Variants in PIAS2 observed in about 807,000 individuals in gnomAD.
PIAS2 encodes protein inhibitor of activated STAT 2.
A neutral mutation model predicts 69.7 loss-of-function variants in PIAS2; 19 were observed. The observed-to-expected ratio is 0.27, with a 90% CI of 0.19 to 0.40. The LOEUF (loss-of-function observed/expected upper bound fraction) is 0.40, where lower values mean the gene tolerates loss of function less well. PIAS2 is among the 10% of genes least tolerant of loss of function. The pLI, the probability that PIAS2 is intolerant of heterozygous loss-of-function variation, is 1.00. For synonymous variants in PIAS2, 261 were observed against 263.2 expected, an observed-to-expected ratio of 0.99 and a Z score of 0.08; for missense variants, 624 against 757.0, an observed-to-expected ratio of 0.82 and a Z score of 2.06.
chr18:46,884,832 G>A (rs562105610), intron 2 of PIAS2, among the ~76,000 whole-genome samples: 5 of 151,904 alleles, frequency 3.3e-5, no homozygotes, highest in South Asian at 2.1e-4. Context: ...CAGGAGAATC[G>A]CTTGAACCCA....
intron 2 of PIAS2, among the ~76,000 whole-genome samples, chr18:46,879,931 G>T (rs149679360): frequency 3.3e-5 from 5 of 152,230 alleles, no homozygotes. Context: ...GCTGGGGGAA[G>T]AGGGAATAGT....
chr18:46,870,231 C>A lies in PIAS2; in HGVS notation c.500-5983G>T, dbSNP rs115016655. Among the ~76,000 whole-genome samples the A allele has an allele frequency of 6.3e-3, 954 of 152,254 alleles. 7 individuals carry two copies. The highest frequency in any genetic ancestry group is 0.022 in the African/African-American group (897 of 41,532). On this transcript the variant is annotated intron_variant, in intron 2 of 13. Coordinates refer to ENST00000585916, the MANE Select transcript of PIAS2 (RefSeq NM_004671.5). ...CACCTCTAAGGAATCAGCCCCAACT[C>A]TTTTCCCCTTGAGGGAAGTGCCCCT...
At chr18:46,868,693 G>C (rs1402168398) in intron 2 of PIAS2, among the ~76,000 whole-genome samples, 1 of 152,226 alleles carries the variant, frequency 6.6e-6, no homozygotes. Context: ...TTCTGCAGAA[G>C]TAAATTTGCT....
In PIAS2 at chr18:46,836,419, C is replaced by T. The variant is rs1424150851; in HGVS notation, c.1140G>A (p.Lys380=). 2.5e-6 allele frequency: 4 copies of T among 1,613,858 alleles called. No homozygotes were observed. In the African/African-American group the frequency reaches 4.0e-5, roughly 16 times the overall value. ...CACACACAGGACAAATCCAGGTGGG[C>T]TTTTTCTCATTCATTTGTAGATAGA... ...AALYLQMNEK[K]PTWICPVCDK... Residue 380 remains lysine (K), a synonymous_variant, in exon 9 of 14, where the codon AAG becomes AAA. Transcript: ENST00000585916.
chr18:46,911,936 A>T (rs1429370616), intron 1 of PIAS2, among the ~76,000 whole-genome samples: 1 of 152,166 alleles, frequency 6.6e-6, no homozygotes, highest in Admixed American at 6.5e-5. Flanking sequence ...CTGTAATCCC[A>T]GCTAATCGCG....
At chr18:46,898,024 T>C (rs1432719978) in intron 1 of PIAS2, among the ~76,000 whole-genome samples, 1 of 151,198 alleles carries the variant, frequency 6.6e-6, no homozygotes, top group Non-Finnish European at 1.5e-5. Flanking sequence ...GCCCAGTTAA[T>C]TTTTACTTTT....
chr18:46,869,385 A>G (rs2049984168), intron 2 of PIAS2, among the ~76,000 whole-genome samples: 1 of 152,062 alleles, frequency 6.6e-6, no homozygotes, highest in Non-Finnish European at 1.5e-5. Context: ...GAGCCTCAGC[A>G]AACCTCTAGA....
At chr18:46,897,874 T>C (rs1289954029) in intron 1 of PIAS2, among the ~76,000 whole-genome samples, 1 of 151,442 alleles carries the variant, frequency 6.6e-6, no homozygotes, top group East Asian at 1.9e-4. Context: ...ATATAATTTT[T>C]GGGTTTTTTT....
At chr18:46,830,355 C>A (rs1476067882) in intron 9 of PIAS2, among the ~76,000 whole-genome samples, 4 of 151,896 alleles carry the variant, frequency 2.6e-5, no homozygotes, top group Admixed American at 2.6e-4. Context: ...CAAATTAAGT[C>A]CGTACCAGAA....
intron 1 of PIAS2, among the ~76,000 whole-genome samples, chr18:46,913,096 G>A (rs1395811593): frequency 6.6e-6 from 1 of 152,140 alleles, no homozygotes; most frequent in African/African-American, 2.4e-5. Flanking sequence ...GAATCATATG[G>A]AAGATTCTGT....
At chr18:46,837,791 A>G (rs1207707038) in intron 8 of PIAS2, among the ~76,000 whole-genome samples, 3 of 152,118 alleles carry the variant, frequency 2.0e-5, no homozygotes, top group Non-Finnish European at 4.4e-5. Flanking sequence ...TTTACAGAAA[A>G]TATCACTGTT....
intron 3 of PIAS2, among the ~76,000 whole-genome samples, chr18:46,860,011 A>G (rs2048422845): frequency 6.6e-6 from 1 of 152,224 alleles, no homozygotes; most frequent in African/African-American, 2.4e-5. Context: ...CCAATGTTCA[A>G]TCTTCACAAG....
rs1274527508 is a variant in PIAS2, at chr18:46,804,815, C to T, written c.*7618G>A. ...GGGGGCAGGATCCTGCCTTGTGTTC[C>T]AAGTGCCTGATACAATGCCTGGCAC... is the stretch of plus-strand genomic sequence containing the variant. On this transcript the variant is annotated 3_prime_UTR_variant, in exon 14 of 14. Transcript: ENST00000585916. 6.6e-6 allele frequency: 1 copy of T among 152,182 alleles called. No homozygotes were observed. Among genetic ancestry groups the T allele is most frequent in the Non-Finnish European group, 1.5e-5 (1 of 68,056 alleles). The allele number at this position is 152,182 out of a possible 1,614,324, so 9.4% of individuals were successfully genotyped here. A position where few individuals can be genotyped will look rare whatever the true frequency, so the allele number is the denominator to read the frequency against.
chr18:46,919,630 CAG>C (rs1253207106), upstream of PIAS2, among the ~76,000 whole-genome samples: 15 of 152,256 alleles, frequency 9.9e-5, no homozygotes, highest in South Asian at 3.1e-3. Flanking sequence ...GCCTGGGCAA[CAG>C]AGTGAGACTT....
chr18:46,818,030 C>G (rs920387275), intron 12 of PIAS2: 1 of 990,066 alleles, frequency 1.0e-6, no homozygotes, highest in African/African-American at 1.7e-5. Flanking sequence ...GTTGAAAATG[C>G]TCAATTACTT....
rs1485164607 is a variant in PIAS2, at chr18:46,807,355, T to TTTTATATATATATA, written c.*5077_*5078insTATATATATATAAA. 1 of 29,960 alleles carries TTTTATATATATATA rather than the reference T, an allele frequency of 3.3e-5. No homozygotes were observed. Among genetic ancestry groups the TTTTATATATATATA allele is most frequent in the African/African-American group, 2.1e-4 (1 of 4,774 alleles). The allele number at this position is 29,960 out of a possible 1,614,324, so 1.9% of individuals were successfully genotyped here. On this transcript the variant is annotated 3_prime_UTR_variant, in exon 14 of 14. Transcript: ENST00000585916. Reference sequence around the variant, plus strand: ...AGGTGTTTCTGAAACATGTCAGATTTTATATATATATATATATATATATAT... The same window carrying TTTTATATATATATA: ...AGGTGTTTCTGAAACATGTCAGATTTTTTATATATATATATATATATATATATATATATATATAT...
intron 1 of PIAS2, among the ~76,000 whole-genome samples, chr18:46,906,776 G>GC (rs1285780039): frequency 1.4e-5 from 2 of 142,432 alleles, no homozygotes; most frequent in African/African-American, 2.6e-5. Flanking sequence ...GTGTGTGTGG[G>GC]GGGGGGGGGA....
At chr18:46,911,049 G>A (rs1442847077) in intron 1 of PIAS2, among the ~76,000 whole-genome samples, 1 of 151,928 alleles carries the variant, frequency 6.6e-6, no homozygotes, top group Admixed American at 6.6e-5. Context: ...ATGACAGCTG[G>A]GTAACAGGTC....
At chr18:46,917,698 G>T (rs1259765808), upstream of PIAS2, 1 of 376,966 alleles carries the variant, frequency 2.7e-6, no homozygotes, top group Non-Finnish European at 3.7e-6. Flanking sequence ...CCTCCCCGGC[G>T]GAGGCCCCTG....
Sources: gnomAD v4.1 joint callset for allele counts (sites outside exome capture counted in the v4.1 genomes callset) on GRCh38, gnomAD v4.1.1 for gene constraint, MANE v1.5 for transcripts, NCBI Gene and HGNC (gene_info 2026-07-23, HGNC 2026-07-21) for gene names.